SLTM: variants seen among roughly 807,000 people sequenced by gnomAD.
SLTM encodes the protein SAFB like transcription modulator, also known as SAFB-like transcription modulator.
In SLTM, 43 loss-of-function variants were observed where a neutral mutation model predicts 134.6. The ratio of observed to expected loss-of-function variants is 0.32; its 90% CI spans 0.25 to 0.41. The LOEUF (loss-of-function observed/expected upper bound fraction) is 0.41. Ranked by LOEUF, SLTM falls within the 10% of genes least tolerant of loss-of-function variation. The probability of loss-of-function intolerance (pLI) is 1.00; values close to 1 mark genes in which losing one functional copy is unlikely to be tolerated. For missense variants in SLTM, 1,055 were observed against 1,288.8 expected, an observed-to-expected ratio of 0.82 and a Z score of 2.78; for synonymous variants, 424 against 432.3, an observed-to-expected ratio of 0.98 and a Z score of 0.24.
intron 5 of SLTM, among the ~76,000 whole-genome samples, chr15:58,912,214 C>G (rs943782529): frequency 6.6e-6 from 1 of 151,922 alleles, no homozygotes; most frequent in East Asian, 1.9e-4. Flanking sequence ...ATTCTCCTGC[C>G]TCAGCCTCCT....
At position 58,933,634 on chromosome 15, in the gene SLTM, A is replaced by G. The variant is rs2038065514; in HGVS notation, c.-69T>C. ...GGCGGCGGCAGCAGCGCCAACTTCC[A>G]CCCAGGCCTCGGCGGCCGCCGGCGC... On this transcript the variant is annotated 5_prime_UTR_variant, in exon 1 of 21. Coordinates refer to ENST00000380516, the MANE Select transcript of SLTM (RefSeq NM_024755.4). 1.4e-6 allele frequency: 2 copies of G among 1,410,434 alleles called. No individual in the cohort carries two copies. The highest frequency in any genetic ancestry group is 6.8e-5 in the Admixed American group (2 of 29,466). The allele number at this position is 1,410,434 out of a possible 1,614,324, so 87.4% of individuals were successfully genotyped here.
At chr15:58,923,865 A>C (rs1489014808) in intron 2 of SLTM, among the ~76,000 whole-genome samples, 1 of 125,674 alleles carries the variant, frequency 8.0e-6, no homozygotes, top group Non-Finnish European at 1.6e-5. Flanking sequence ...GCTGGAGTGC[A>C]GTGCAGAGGC....
In SLTM at chr15:58,893,901, C is replaced by T; in HGVS notation, c.1568G>A (p.Gly523Asp). The T allele has an allele frequency of 2.5e-6, 4 of 1,613,102 alleles. No homozygotes were observed. The highest frequency in any genetic ancestry group is 3.4e-6 in the Non-Finnish European group (4 of 1,179,792). The change falls in exon 12 of 21, where the codon GGT becomes GAT. Residue 523 changes from glycine to aspartate, a missense_variant. Around this residue, in one of 3 missense-constraint regions of SLTM, gnomAD observed 776 missense variants for 962.2 expected, o/e 0.81. Coordinates refer to ENST00000380516, the MANE Select transcript of SLTM (RefSeq NM_024755.4). ...TCCATTATCATTCTTCTCATCTTTA[C>T]CTTCTATTTTCTTAGTATCCTTGCT... is the stretch of plus-strand genomic sequence containing the variant. ...KESKDTKKIEGKDEKNDNGAS... is the reference protein window; with the variant it reads ...KESKDTKKIEDKDEKNDNGAS...
intron 15 of SLTM, 47 bp from the exon 16 acceptor site, chr15:58,889,601 A>G (rs370039672): frequency 9.9e-6 from 16 of 1,609,412 alleles, no homozygotes; most frequent in South Asian, 2.2e-5. Context: ...AAATGAAAAC[A>G]TAAGATAAGT....
At position 58,905,571 on chromosome 15, in the gene SLTM, A is replaced by AT. The variant is rs566983930; in HGVS notation, c.562-4285dup. Among the ~76,000 whole-genome samples, 19 of 152,132 alleles carry AT rather than the reference A, an allele frequency of 1.2e-4. No homozygotes were observed. The South Asian group carries it at 3.9e-3, about 32-fold the overall frequency. ...AAAATATATTTTAAAAAAATAAATA[A>AT]TTTTTTAAAAAAGAATGCAGTTTGA... On this transcript the variant is annotated intron_variant, in intron 5 of 20. Coordinates refer to ENST00000380516, the MANE Select transcript of SLTM (RefSeq NM_024755.4).
intron 20 of SLTM, among the ~76,000 whole-genome samples, chr15:58,881,048 G>C (rs1374114521): frequency 6.6e-6 from 1 of 152,154 alleles, no homozygotes; most frequent in Non-Finnish European, 1.5e-5. Flanking sequence ...GCCGGGCGCA[G>C]TGGCTCACGC....
In SLTM at chr15:58,889,569, G is replaced by A. The variant is rs1243084110; in HGVS notation, c.2080-15C>T. 6.2e-7 allele frequency: 1 copy of A among 1,613,328 alleles called. No individual in the cohort carries two copies. Among genetic ancestry groups the A allele is most frequent in the Non-Finnish European group, 8.5e-7 (1 of 1,179,588 alleles). On this transcript the variant is annotated splice_polypyrimidine_tract_variant and intron_variant, in intron 15 of 20. Coordinates refer to ENST00000380516, the MANE Select transcript of SLTM (RefSeq NM_024755.4). ...TTACGACGTTCCTTCAGACAACACA[G>A]AATGAAGAACCAACCAAGGCAAAAT...
rs2033507797 is a variant in SLTM, at chr15:58,879,265, C to G, written c.*734G>C. On this transcript the variant is annotated 3_prime_UTR_variant, in exon 21 of 21. Transcript: ENST00000380516. ...GCAGATTACCTAAAAGTGCACTTAC[C>G]TGCACAACTCGGTCTAAGAACCTTG... 6.6e-6 allele frequency: 1 copy of G among 152,192 alleles called. No individual in the cohort carries two copies. The highest frequency in any genetic ancestry group is 2.4e-5 in the African/African-American group (1 of 41,440). 9.4% of individuals were successfully genotyped at this position (152,192 alleles called of 1,614,324 possible).
chr15:58,927,401 C>A (rs188991658), intron 2 of SLTM, among the ~76,000 whole-genome samples: 2 of 151,978 alleles, frequency 1.3e-5, no homozygotes, highest in Non-Finnish European at 2.9e-5. Flanking sequence ...TCCCAAGTAG[C>A]GAGGATTACA....
chr15:58,895,774 G>A (rs2035033882), intron 9 of SLTM, among the ~76,000 whole-genome samples: 1 of 152,072 alleles, frequency 6.6e-6, no homozygotes, highest in African/African-American at 2.4e-5. Context: ...AGCCTATCAT[G>A]GGACTACAAT....
At chr15:58,932,489 T>G in intron 1 of SLTM, 46 bp from the exon 2 acceptor site, 2 of 1,396,686 alleles carry the variant, frequency 1.4e-6, no homozygotes, top group Non-Finnish European at 2.0e-6. Context: ...CTATCTAAAC[T>G]TATTTTATAA....
chr15:58,890,198 A>G (rs1231892687), intron 15 of SLTM, 83 bp downstream of exon 15: 23 of 1,496,462 alleles, frequency 1.5e-5, no homozygotes, highest in Non-Finnish European at 2.0e-5. Context: ...ACGCTTTACA[A>G]CAAGTAAAGC....
At chr15:58,913,421 T>G in intron 4 of SLTM, 78 bp downstream of exon 4, 1 of 1,213,638 alleles carries the variant, frequency 8.2e-7, no homozygotes, top group Non-Finnish European at 1.1e-6. Context: ...ACTTCCAAAT[T>G]GAACTAGAAA....
At chr15:58,906,585 G>A (rs527697603) in intron 5 of SLTM, among the ~76,000 whole-genome samples, 148 of 152,318 alleles carry the variant, frequency 9.7e-4, no homozygotes, top group African/African-American at 3.3e-3. Context: ...ATCTGTACAT[G>A]TATAGGCTAA....
chr15:58,918,725 T>C (rs192081502), intron 2 of SLTM, among the ~76,000 whole-genome samples: 25 of 152,360 alleles, frequency 1.6e-4, no homozygotes, highest in African/African-American at 6.0e-4. Context: ...GCTTTGCATA[T>C]AATTTTATAA....
rs191181859 is a variant in SLTM at position 58,923,738 on chromosome 15, G to T, written c.251-6739C>A. ...AATCTAGCAACTGCCGCAAAACTGT[G>T]AAAGTGGCATGACCAGGATAAAGGA... On this transcript the variant is annotated intron_variant, in intron 2 of 20. Coordinates refer to ENST00000380516, the MANE Select transcript of SLTM (RefSeq NM_024755.4). 3.4e-5 allele frequency among the ~76,000 whole-genome samples: 5 copies of T among 148,562 alleles called. No homozygotes were observed. The East Asian group carries it at 1.0e-3, about 30-fold the overall frequency.
At chr15:58,933,228 G>A (rs1243054142) in intron 1 of SLTM, among the ~76,000 whole-genome samples, 176 bp downstream of exon 1, 2 of 151,798 alleles carry the variant, frequency 1.3e-5, no homozygotes, top group African/African-American at 4.8e-5. Flanking sequence ...CGGGGCGGGG[G>A]CACCGCGGAA....
At position 58,890,385 on chromosome 15, in the gene SLTM, G is replaced by A. The variant is rs760892608; in HGVS notation, c.1975C>T (p.Arg659Cys). Residue 659 changes from arginine to cysteine, a missense_variant, in exon 15 of 21, where the codon CGC becomes TGC. Physicochemically the swap from Arg to Cys is radical, Grantham distance 180. This residue lies in a region of SLTM where 776 missense variants were observed against 962.2 expected (regional missense o/e 0.81). Transcript: ENST00000380516. Reference protein sequence around the residue: ...RIIREREERERLQRERERLEI... With the variant: ...RIIREREERECLQRERERLEI... ...AGGCGCTCTCTCTCTCTCTGTAAGC[G>A]TTCCCGTTCTTCCCGTTCACGAATT... 9.3e-6 allele frequency: 15 copies of A among 1,613,738 alleles called. No individual in the cohort carries two copies. The highest frequency in any genetic ancestry group is 5.0e-5 in the Admixed American group (3 of 59,974).
Position 58,887,074 on chromosome 15 carries a change from A to C in SLTM, c.2736T>G (p.Ser912Arg), listed in dbSNP as rs1446200040. 6.2e-7 allele frequency: 1 copy of C among 1,613,858 alleles called. No homozygotes were observed. The highest frequency in any genetic ancestry group is 8.5e-7 in the Non-Finnish European group (1 of 1,180,020). Residue 912 changes from serine to arginine, a missense_variant, in exon 19 of 21, where the codon AGT (serine) becomes AGG (arginine). Physicochemically the swap from Ser to Arg is moderately radical, Grantham distance 110. Transcript: ENST00000380516. ...ERSGREVSGH[S>R]VRGAPPGNRS... ...GATTCCCAGGGGGAGCGCCTCTCAC[A>C]CTGTGCCCTGATACTTCTCTCCCAG...
Sources: allele counts gnomAD v4.1 joint callset (sites outside exome capture counted in the v4.1 genomes callset), GRCh38; gene constraint gnomAD v4.1.1; regional missense constraint gnomAD v4.1.1; transcripts MANE v1.5; gene names NCBI Gene and HGNC (gene_info 2026-07-23, HGNC 2026-07-21).